IL34: variants seen among roughly 807,000 people sequenced by gnomAD.
IL34 encodes interleukin 34.
A neutral mutation model predicts 25.3 loss-of-function variants in IL34; 17 were observed. The observed-to-expected ratio is 0.67, with a 90% CI of 0.46 to 1.01. The LOEUF is 1.01. Ranked by LOEUF, IL34 falls within the 50% of genes least tolerant of loss-of-function variation. The pLI, the probability that IL34 is intolerant of heterozygous loss-of-function variation, is 0.00. For synonymous variants in IL34, 174 were observed against 140.9 expected (o/e 1.23, Z -1.66); for missense variants, 368 against 312.9 (o/e 1.18, Z -1.33).
chr16:70,627,925 T>C (rs2051431856), intron 1 of IL34, among the ~76,000 whole-genome samples: 1 of 152,240 alleles, frequency 6.6e-6, no homozygotes. Flanking sequence ...TTGGTGCCCA[T>C]GTATACAGAT....
intron 1 of IL34, among the ~76,000 whole-genome samples, chr16:70,615,320 A>G (rs1366115473): frequency 6.6e-6 from 1 of 152,040 alleles, no homozygotes; most frequent in Non-Finnish European, 1.5e-5. Context: ...CATTCTGGCT[A>G]ACATGGTGAA....
Position 70,638,810 on chromosome 16 carries a change from G to A in IL34, c.-400-7738G>A, listed in dbSNP as rs994705153. Among the ~76,000 whole-genome samples, 9 of 152,198 alleles carry A rather than the reference G, an allele frequency of 5.9e-5. 1 individual carries two copies. The highest frequency in any genetic ancestry group is 5.9e-4 in the Admixed American group (9 of 15,290). Reference sequence around the variant, plus strand: ...TTGCCCAGGCTGGTCTCATACTCCTGGGCTCAAGCGATCCTCTTGCCTCAG... The same window carrying A: ...TTGCCCAGGCTGGTCTCATACTCCTAGGCTCAAGCGATCCTCTTGCCTCAG... On this transcript the variant is annotated intron_variant, in intron 1 of 6. Transcript: ENST00000429149.
At chr16:70,580,762 C>T (rs982070008) in intron 1 of IL34, among the ~76,000 whole-genome samples, 3 of 140,074 alleles carry the variant, frequency 2.1e-5, no homozygotes, top group African/African-American at 8.1e-5. Flanking sequence ...GCCTGGGTAA[C>T]AGAGTGAGAC....
chr16:70,623,258 T>C (rs928928693), intron 1 of IL34, among the ~76,000 whole-genome samples: 2 of 151,912 alleles, frequency 1.3e-5, no homozygotes, highest in Admixed American at 1.3e-4. Context: ...AGCAAAGGAA[T>C]AGTAAAGAAA....
At chr16:70,639,373 A>G (rs1344638920) in intron 1 of IL34, among the ~76,000 whole-genome samples, 1 of 152,206 alleles carries the variant, frequency 6.6e-6, no homozygotes, top group African/African-American at 2.4e-5. Flanking sequence ...AGGAAAGCAC[A>G]ATATTGCGTT....
At chr16:70,591,328 G>A (rs1207018849) in intron 1 of IL34, among the ~76,000 whole-genome samples, 1 of 152,054 alleles carries the variant, frequency 6.6e-6, no homozygotes, top group Non-Finnish European at 1.5e-5. Flanking sequence ...GCCCTCCTTT[G>A]TCCCCAGAGC....
In IL34 at chr16:70,594,887, C is replaced by T. The variant is rs543567752; in HGVS notation, c.-401+14838C>T. 9.2e-5 allele frequency among the ~76,000 whole-genome samples: 14 copies of T among 151,566 alleles called. No individual in the cohort carries two copies. The South Asian group carries it at 2.9e-3, about 32-fold the overall frequency. On this transcript the variant is annotated intron_variant, in intron 1 of 6. Transcript: ENST00000429149. The stretch of plus-strand genomic sequence containing the variant: ...TCTGGGCAGATTCATATCAAATATT[C>T]TAGGCCTTGGGAAACCCTCATATTT...
chr16:70,622,964 T>G (rs1004075330), intron 1 of IL34, among the ~76,000 whole-genome samples: 1 of 152,036 alleles, frequency 6.6e-6, no homozygotes, highest in Non-Finnish European at 1.5e-5. Context: ...CTGGCTCTTG[T>G]ATAAGAATTC....
At chr16:70,627,668 C>G (rs2051426649) in intron 1 of IL34, among the ~76,000 whole-genome samples, 1 of 152,078 alleles carries the variant, frequency 6.6e-6, no homozygotes. Flanking sequence ...TGGGATCTCA[C>G]TATGTTGTCC....
chr16:70,592,626 A>G (rs912554009), intron 1 of IL34, among the ~76,000 whole-genome samples: 2 of 152,118 alleles, frequency 1.3e-5, no homozygotes, highest in Non-Finnish European at 2.9e-5. Context: ...TTTACAAAGC[A>G]GTTTTATTTA....
intron 1 of IL34, among the ~76,000 whole-genome samples, chr16:70,651,192 GAA>G (rs2052070144): frequency 6.6e-6 from 1 of 152,130 alleles, no homozygotes; most frequent in Non-Finnish European, 1.5e-5. Context: ...GGGGGGGAGA[GAA>G]GAGTCTCTGG....
At chr16:70,634,182 T>G (rs531204913) in intron 1 of IL34, among the ~76,000 whole-genome samples, 1 of 152,176 alleles carries the variant, frequency 6.6e-6, no homozygotes, top group East Asian at 1.9e-4. Flanking sequence ...CACCAGTCAT[T>G]GTATTGGGCC....
intron 1 of IL34, among the ~76,000 whole-genome samples, chr16:70,583,671 G>T (rs2050660099): frequency 6.6e-6 from 1 of 151,974 alleles, no homozygotes; most frequent in Admixed American, 6.5e-5. Context: ...CTTTCCTCCT[G>T]CCTCAGAGGA....
chr16:70,642,450 A>G (rs374312731), upstream of IL34, among the ~76,000 whole-genome samples: 39 of 152,230 alleles, frequency 2.6e-4, no homozygotes, highest in East Asian at 7.3e-3. Flanking sequence ...GGCACCTGCC[A>G]CTGCGCCCGC....
At chr16:70,607,761 T>A (rs981838189) in intron 1 of IL34, among the ~76,000 whole-genome samples, 2 of 152,024 alleles carry the variant, frequency 1.3e-5, no homozygotes, top group Non-Finnish European at 2.9e-5. Context: ...TTTTTTTTTT[T>A]AATTTTAATT....
chr16:70,659,569 G>C, intron 4 of IL34, 49 bp from the exon 5 acceptor site: 3 of 1,559,580 alleles, frequency 1.9e-6, no homozygotes, highest in East Asian at 2.3e-5. Context: ...GGCTCTCCTG[G>C]GGTGCGGCCC....
chr16:70,637,162 C>G (rs2051674304), intron 1 of IL34, among the ~76,000 whole-genome samples: 1 of 151,656 alleles, frequency 6.6e-6, no homozygotes, highest in Non-Finnish European at 1.5e-5. Flanking sequence ...GCCTGGCCGC[C>G]CCTTCCCCAT....
intron 1 of IL34, among the ~76,000 whole-genome samples, chr16:70,630,036 C>A (rs2051484119): frequency 6.6e-6 from 1 of 152,176 alleles, no homozygotes; most frequent in African/African-American, 2.4e-5. Flanking sequence ...TGGTAACTGT[C>A]CTTCTACTCT....
intron 1 of IL34, among the ~76,000 whole-genome samples, chr16:70,596,091 C>A (rs1015933737): frequency 2.0e-5 from 3 of 151,944 alleles, no homozygotes; most frequent in Admixed American, 6.6e-5. Context: ...CTGGGAAGAC[C>A]AAGATCAAGG....
Sources: gnomAD v4.1 joint callset for allele counts (sites outside exome capture counted in the v4.1 genomes callset) on GRCh38, gnomAD v4.1.1 for gene constraint, MANE v1.5 for transcripts, NCBI Gene and HGNC (gene_info 2026-07-23, HGNC 2026-07-21) for gene names.